The following MYOF variants were observed in gnomAD, a reference collection of about 807,000 sequenced individuals.
The protein encoded by MYOF is fer-1-like 3, myoferlin.
A neutral mutation model predicts 284.2 loss-of-function variants in MYOF; 244 were observed. The ratio of observed to expected loss-of-function variants is 0.86; its 90% CI spans 0.77 to 0.95. MYOF has a LOEUF of 0.95. Among genes scored for constraint, MYOF ranks in the 40% least tolerant of loss-of-function variants. The pLI, the probability that MYOF is intolerant of heterozygous loss-of-function variation, is 0.00. For missense variants in MYOF, 2,496 were observed against 2,560.6 expected (o/e 0.97, Z 0.54); for synonymous variants, 904 against 919.7 (o/e 0.98, Z 0.31).
chr10:93,419,224 G>T (rs943977058), intron 5 of MYOF, among the ~76,000 whole-genome samples: 8 of 151,736 alleles, frequency 5.3e-5, no homozygotes, highest in Admixed American at 5.3e-4. Context: ...GTGCCATGGC[G>T]CAATCTCGGC....
chr10:93,342,037 C>G (rs1843944186), intron 38 of MYOF: 3 of 1,084,500 alleles, frequency 2.8e-6, no homozygotes, highest in Non-Finnish European at 3.7e-6. Context: ...TAGCACTTGA[C>G]CAATTTTCCC....
intron 5 of MYOF, among the ~76,000 whole-genome samples, chr10:93,419,323 C>A (rs180901824): frequency 6.6e-6 from 1 of 152,008 alleles, no homozygotes; most frequent in Admixed American, 6.6e-5. Flanking sequence ...CAACCACGCC[C>A]GGCTAATTTT....
intron 1 of MYOF, among the ~76,000 whole-genome samples, chr10:93,467,711 C>T (rs998695364): frequency 6.6e-6 from 1 of 152,196 alleles, no homozygotes; most frequent in Non-Finnish European, 1.5e-5. Context: ...ATGGCAAAGA[C>T]TTGGAACCAA....
intron 13 of MYOF, 29 bp from the exon 14 acceptor site, chr10:93,397,485 G>C (rs568740678): frequency 1.3e-6 from 2 of 1,545,918 alleles, no homozygotes; most frequent in Middle Eastern, 1.7e-4. Flanking sequence ...AAAAGTGTAG[G>C]TTTTCAAGTT....
intron 46 of MYOF, among the ~76,000 whole-genome samples, chr10:93,324,907 G>A (rs1316656211): frequency 6.6e-6 from 1 of 152,042 alleles, no homozygotes; most frequent in Non-Finnish European, 1.5e-5. Flanking sequence ...AGCCTCCCGA[G>A]TAGCTGGGGT....
Position 93,349,955 on chromosome 10 carries a change from GC to G in MYOF, c.3935del (p.Gly1312AlafsTer2). 1 of 1,613,906 alleles carries G rather than the reference GC, an allele frequency of 6.2e-7. No individual in the cohort carries two copies. The highest frequency in any genetic ancestry group is 8.5e-7 in the Non-Finnish European group (1 of 1,179,930). ...TCTGGAAGTTTTTCATATTTCTTAA[GC>G]CCCAAGCTAGAATCTATGAAAACGA... ...QLTAIEILAW[G>X]LRNMKNFQMA... On this transcript the variant is annotated frameshift_variant, in exon 36 of 54. Coordinates refer to ENST00000359263, the MANE Select transcript of MYOF (RefSeq NM_013451.4). LOFTEE classifies it high-confidence loss of function.
At chr10:93,334,303 C>T (rs1429865460) in intron 41 of MYOF, among the ~76,000 whole-genome samples, 1 of 151,406 alleles carries the variant, frequency 6.6e-6, no homozygotes, top group African/African-American at 2.5e-5. Context: ...CTCTGTACTC[C>T]ACCTCCCACT....
chr10:93,333,947 C>G, intron 41 of MYOF, 34 bp from the exon 42 acceptor site: 1 of 1,601,756 alleles, frequency 6.2e-7, no homozygotes, highest in Non-Finnish European at 8.5e-7. Context: ...TCACAGGGCC[C>G]TGGGTGGCCC....
At chr10:93,436,273 G>T (rs540643632) in intron 3 of MYOF, among the ~76,000 whole-genome samples, 1 of 152,060 alleles carries the variant, frequency 6.6e-6, no homozygotes. Context: ...ATCAGTATCC[G>T]CTAGTTTCCC....
intron 4 of MYOF, among the ~76,000 whole-genome samples, chr10:93,430,144 C>T (rs896626025): frequency 6.6e-6 from 1 of 151,672 alleles, no homozygotes; most frequent in African/African-American, 2.4e-5. Flanking sequence ...CCATGTTAGC[C>T]AGGATGGTCT....
chr10:93,399,683 T>C (rs45504799), intron 12 of MYOF, among the ~76,000 whole-genome samples, 188 bp from the exon 13 acceptor site: 10,016 of 152,160 alleles, frequency 0.066, 400 homozygotes, highest in African/African-American at 0.09. Flanking sequence ...GCCATCCTGG[T>C]CAACATGGTG....
At chr10:93,375,100 T>G in intron 22 of MYOF, 145 bp from the exon 23 acceptor site, 3 of 781,996 alleles carry the variant, frequency 3.8e-6, no homozygotes, top group Non-Finnish European at 6.0e-6. Flanking sequence ...CTGCCTGGTT[T>G]ACGCTGGAGT....
At chr10:93,378,473 A>G (rs1162005673) in intron 21 of MYOF, among the ~76,000 whole-genome samples, 1 of 152,024 alleles carries the variant, frequency 6.6e-6, no homozygotes, top group Non-Finnish European at 1.5e-5. Context: ...GATTGCCTTT[A>G]TAACATAAAA....
Position 93,329,697 on chromosome 10 carries a change from C to T in MYOF, c.4949G>A (p.Gly1650Glu). 6.2e-7 allele frequency: 1 copy of T among 1,614,130 alleles called. No homozygotes were observed. The highest frequency in any genetic ancestry group is 1.3e-5 in the African/African-American group (1 of 75,040). Residue 1650 changes from glycine (G) to glutamate (E), a missense_variant, in exon 44 of 54, where the codon GGG (glycine) becomes GAG (glutamate). Around this residue, in one of 3 missense-constraint regions of MYOF, gnomAD observed 2,436 missense variants for 2,480.7 expected, o/e 0.98. Coordinates refer to ENST00000359263, the MANE Select transcript of MYOF (RefSeq NM_013451.4). ...CTCCTCTGGTATGCCGCAGTGGGAC[C>T]CAAAGCGGGAAAGGAATCGGTTTTC... ...DLENRFLSRF[G>E]SHCGIPEEYC...
chr10:93,390,370 A>G (rs146082792), intron 17 of MYOF, among the ~76,000 whole-genome samples: 223 of 152,310 alleles, frequency 1.5e-3, no homozygotes, highest in African/African-American at 5.1e-3. Context: ...AGACAGCAAG[A>G]AAAAAAGAAA....
chr10:93,465,856 C>A (rs974831667), intron 1 of MYOF, among the ~76,000 whole-genome samples: 1 of 152,122 alleles, frequency 6.6e-6, no homozygotes, highest in Non-Finnish European at 1.5e-5. Context: ...CTCCTTGCAT[C>A]CCCCCAGGGA....
At chr10:93,440,304 C>T (rs982067731) in intron 3 of MYOF, among the ~76,000 whole-genome samples, 3 of 151,928 alleles carry the variant, frequency 2.0e-5, no homozygotes, top group Admixed American at 6.6e-5. Context: ...CCTAGCTACT[C>T]GGGAGGCTGG....
intron 31 of MYOF, 147 bp downstream of exon 31, chr10:93,355,481 G>A (rs561947093): frequency 3.7e-6 from 2 of 533,958 alleles, no homozygotes; most frequent in African/African-American, 1.9e-5. Flanking sequence ...AGCTACTCAG[G>A]AGGCTGAGGC....
chr10:93,315,061 G>T (rs1452056300), intron 50 of MYOF, among the ~76,000 whole-genome samples: 3 of 152,078 alleles, frequency 2.0e-5, no homozygotes, highest in African/African-American at 7.2e-5. Context: ...AACAAACAAA[G>T]CCAAGGGCAA....
Sources: gnomAD v4.1 joint callset for allele counts (sites outside exome capture counted in the v4.1 genomes callset) on GRCh38, gnomAD v4.1.1 for gene constraint, gnomAD v4.1.1 regional missense constraint, MANE v1.5 for transcripts, NCBI Gene and HGNC (gene_info 2026-07-23, HGNC 2026-07-21) for gene names.